Variants in CNTLN observed in about 807,000 individuals in gnomAD.
CNTLN encodes the protein centlein, centrosomal protein.
Under a neutral mutation model 180.0 loss-of-function variants are expected in CNTLN, and 212 were observed. The observed-to-expected ratio is 1.18, with a 90% CI of 1.05 to 1.32. The LOEUF is 1.32. Ranked by LOEUF, CNTLN falls within the 40% of genes most tolerant of loss-of-function variation. CNTLN has a pLI of 0.00. For synonymous variants in CNTLN, 722 were observed against 563.1 expected (o/e 1.28, Z -3.99); for missense variants, 2,095 against 1,610.9 (o/e 1.30, Z -5.14).
chr9:17,260,763 T>C (rs1015820523), intron 5 of CNTLN, among the ~76,000 whole-genome samples: 1 of 151,368 alleles, frequency 6.6e-6, no homozygotes, highest in Non-Finnish European at 1.5e-5. Flanking sequence ...CTTTGCCAGT[T>C]CCTGTGTCCA....
intron 8 of CNTLN, among the ~76,000 whole-genome samples, chr9:17,310,932 C>T (rs1335565823): frequency 2.0e-5 from 3 of 151,858 alleles, no homozygotes; most frequent in Non-Finnish European, 4.4e-5. Flanking sequence ...TAATATTAAT[C>T]CCTAGTAAGT....
intron 8 of CNTLN, among the ~76,000 whole-genome samples, chr9:17,328,456 C>T (rs1412125301): frequency 1.3e-5 from 2 of 152,120 alleles, no homozygotes; most frequent in African/African-American, 2.4e-5. Flanking sequence ...TGGAGTTGAG[C>T]GGCAACTGCC....
intron 18 of CNTLN, among the ~76,000 whole-genome samples, chr9:17,426,288 C>G (rs749390145): frequency 6.6e-6 from 1 of 152,134 alleles, no homozygotes; most frequent in East Asian, 1.9e-4. Flanking sequence ...ACTCCCATCA[C>G]GGGCCCAGAG....
intron 5 of CNTLN, among the ~76,000 whole-genome samples, chr9:17,266,594 G>T (rs1050126498): frequency 1.3e-5 from 2 of 152,108 alleles, no homozygotes; most frequent in South Asian, 4.1e-4. Context: ...GGGTATCCTT[G>T]TTAACTTTCT....
intron 2 of CNTLN, among the ~76,000 whole-genome samples, chr9:17,212,809 C>T (rs551559204): frequency 6.6e-6 from 1 of 152,216 alleles, no homozygotes; most frequent in East Asian, 1.9e-4. Flanking sequence ...AGGAATTTAT[C>T]CATTTCTTCT....
At chr9:17,154,350 T>C (rs543051960) in intron 2 of CNTLN, among the ~76,000 whole-genome samples, 1 of 152,328 alleles carries the variant, frequency 6.6e-6, no homozygotes, top group East Asian at 1.9e-4. Flanking sequence ...TGAGTGGATG[T>C]GCTAATCCTT....
intron 2 of CNTLN, among the ~76,000 whole-genome samples, chr9:17,182,457 A>G (rs1024590374): frequency 1.3e-5 from 2 of 151,992 alleles, no homozygotes; most frequent in Non-Finnish European, 2.9e-5. Flanking sequence ...TCTCATGTTT[A>G]TTTTATATGT....
At chr9:17,526,015 A>G in the CNTLN span, among the ~76,000 whole-genome samples, 3 of 152,070 alleles carry the variant, frequency 2.0e-5, no homozygotes, top group African/African-American at 7.2e-5. Context: ...GGCTCACTGC[A>G]AGCTCCGCCT....
chr9:17,524,073 G>A, the CNTLN span, among the ~76,000 whole-genome samples: 1 of 152,184 alleles, frequency 6.6e-6, no homozygotes, highest in African/African-American at 2.4e-5. Context: ...TTGACAACCT[G>A]TATGTCAGCT....
At chr9:17,449,907 A>G (rs753941265) in intron 18 of CNTLN, among the ~76,000 whole-genome samples, 2 of 152,248 alleles carry the variant, frequency 1.3e-5, no homozygotes, top group Non-Finnish European at 2.9e-5. Context: ...TTCAGAATTA[A>G]AAGTATTAGT....
At chr9:17,289,860 C>G (rs1829246522) in intron 6 of CNTLN, among the ~76,000 whole-genome samples, 1 of 135,744 alleles carries the variant, frequency 7.4e-6, no homozygotes, top group South Asian at 2.8e-4. Context: ...TCAGCTCCAT[C>G]AGCTCCTTTA....
At chr9:17,494,467 C>G (rs1833339434) in intron 25 of CNTLN, among the ~76,000 whole-genome samples, 1 of 152,042 alleles carries the variant, frequency 6.6e-6, no homozygotes. Flanking sequence ...TTTCATCAAC[C>G]AGGTACTAAG....
chr9:17,405,895 T>C (rs538979577), intron 15 of CNTLN, among the ~76,000 whole-genome samples: 3 of 151,746 alleles, frequency 2.0e-5, no homozygotes, highest in Non-Finnish European at 4.4e-5. Context: ...TTCAAGCGAT[T>C]CTCCAGAGTA....
In CNTLN at chr9:17,430,643, C is replaced by A. The variant is rs115973602; in HGVS notation, c.3114+14454C>A. ...CCTACTGTACTACTGAACACTAGAA[C>A]TTATTCCTTCTATGTAACTGTATTT... On this transcript the variant is annotated intron_variant, in intron 18 of 25. Coordinates refer to ENST00000380647, the MANE Select transcript of CNTLN (RefSeq NM_017738.4). 3.6e-3 allele frequency among the ~76,000 whole-genome samples: 540 copies of A among 152,094 alleles called. 2 individuals carry two copies. The highest frequency in any genetic ancestry group is 0.013 in the African/African-American group (523 of 41,520).
intron 6 of CNTLN, among the ~76,000 whole-genome samples, chr9:17,290,174 C>T (rs984062428): frequency 1.3e-5 from 2 of 152,008 alleles, no homozygotes; most frequent in Admixed American, 1.3e-4. Context: ...TGGTGATGTA[C>T]AGATGGGTTT....
chr9:17,389,736 A>G (rs1384173091), intron 14 of CNTLN, among the ~76,000 whole-genome samples: 2 of 48,482 alleles, frequency 4.1e-5, no homozygotes, highest in Non-Finnish European at 1.3e-4. Context: ...TAGAAATGAA[A>G]CATATATGCA....
chr9:17,364,257 A>G (rs556543576), intron 12 of CNTLN, among the ~76,000 whole-genome samples: 3 of 152,204 alleles, frequency 2.0e-5, no homozygotes, highest in Non-Finnish European at 2.9e-5. Context: ...TTTCTATTAA[A>G]TGCTTTCTAT....
chr9:17,409,133 A>T (rs974655039), intron 15 of CNTLN, among the ~76,000 whole-genome samples, 160 bp from the exon 16 acceptor site: 5 of 152,184 alleles, frequency 3.3e-5, no homozygotes, highest in African/African-American at 9.7e-5. Context: ...ATATATTTAG[A>T]TTCATTTTCC....
chr9:17,258,393 G>C (rs941499604), intron 5 of CNTLN, among the ~76,000 whole-genome samples: 4 of 151,090 alleles, frequency 2.6e-5, no homozygotes, highest in Non-Finnish European at 5.9e-5. Context: ...TTGTAGTATA[G>C]TTTGAAGTCA....
Sources: allele counts gnomAD v4.1 joint callset (sites outside exome capture counted in the v4.1 genomes callset), GRCh38; gene constraint gnomAD v4.1.1; transcripts MANE v1.5; gene names NCBI Gene and HGNC (gene_info 2026-07-23, HGNC 2026-07-21).